OVCH1: variants seen among roughly 807,000 people sequenced by gnomAD.
The protein encoded by OVCH1 is ovochymase-1.
In OVCH1, 139 loss-of-function variants were observed where a neutral mutation model predicts 138.4. The observed-to-expected ratio is 1.00, with a 90% CI of 0.87 to 1.16. The LOEUF is 1.16. Among genes scored for constraint, OVCH1 ranks in the 50% most tolerant of loss-of-function variants. OVCH1 has a pLI of 0.00. For synonymous variants in OVCH1, 453 were observed against 467.8 expected, an observed-to-expected ratio of 0.97 and a Z score of 0.41; for missense variants, 1,367 against 1,357.9, an observed-to-expected ratio of 1.01 and a Z score of -0.11.
chr12:29,487,940 T>A (rs1943159738), intron 6 of OVCH1, 58 bp from the exon 7 acceptor site: 3 of 1,483,064 alleles, frequency 2.0e-6, no homozygotes, highest in Non-Finnish European at 2.7e-6. Flanking sequence ...AAATATTTCA[T>A]CATTTCTGTA....
intron 19 of OVCH1, among the ~76,000 whole-genome samples, chr12:29,457,606 T>C (rs1430108430): frequency 6.6e-6 from 1 of 151,950 alleles, no homozygotes; most frequent in Non-Finnish European, 1.5e-5. Context: ...GGTTTCACCA[T>C]GTTGGCCAGG....
chr12:29,442,538 G>T (rs1332071186), intron 25 of OVCH1, among the ~76,000 whole-genome samples: 1 of 149,852 alleles, frequency 6.7e-6, no homozygotes, highest in Non-Finnish European at 1.5e-5. Context: ...CGAGTTAATG[G>T]GTGCAGCACA....
At chr12:29,436,433 T>G (rs1323465908) in intron 26 of OVCH1, among the ~76,000 whole-genome samples, 1 of 152,342 alleles carries the variant, frequency 6.6e-6, no homozygotes, top group African/African-American at 2.4e-5. Context: ...AGCAGTTAAA[T>G]TTTCTCATTT....
At chr12:29,445,285 T>A in exon 23 of OVCH1, 1 of 1,609,316 alleles carries the variant, frequency 6.2e-7, no homozygotes, top group Non-Finnish European at 8.5e-7. Context: ...TACCTAGGAC[T>A]TTCAAGACAA....
chr12:29,407,400 G>T, the OVCH1 span, among the ~76,000 whole-genome samples: 2 of 149,404 alleles, frequency 1.3e-5, no homozygotes, highest in Non-Finnish European at 3.0e-5. Flanking sequence ...GTACTGAATG[G>T]TATTGCCTAG....
intron 1 of OVCH1, 39 bp downstream of exon 1, chr12:29,497,584 C>A (rs756826576): frequency 6.2e-7 from 1 of 1,610,318 alleles, no homozygotes; most frequent in Non-Finnish European, 8.5e-7. Flanking sequence ...GCACGCTCAG[C>A]CTCCTCCGCA....
At chr12:29,418,427 A>G (rs1007476246) in intron 3 of OVCH1, among the ~76,000 whole-genome samples, 4 of 152,164 alleles carry the variant, frequency 2.6e-5, no homozygotes, top group Non-Finnish European at 4.4e-5. Flanking sequence ...TCAATTAAAA[A>G]CCCATGAAAG....
intron 8 of OVCH1, among the ~76,000 whole-genome samples, chr12:29,479,824 C>CTTTTTTTTTTTT (rs34551074): frequency 3.1e-5 from 4 of 128,382 alleles, no homozygotes; most frequent in Non-Finnish European, 6.5e-5. Context: ...TCTTTTTTTT[C>CTTTTTTTTTTTT]TTTTTTTTTT....
At chr12:29,417,050 T>G (rs984653410) in intron 3 of OVCH1, among the ~76,000 whole-genome samples, 2 of 152,208 alleles carry the variant, frequency 1.3e-5, no homozygotes, top group African/African-American at 4.8e-5. Context: ...CAGGGGACTG[T>G]GCTGAGTGGA....
exon 11 of OVCH1, chr12:29,477,355 T>A: frequency 6.2e-7 from 1 of 1,613,980 alleles, no homozygotes; most frequent in Non-Finnish European, 8.5e-7. Flanking sequence ...TTCTGACTTC[T>A]GTACAGCAGT....
At chr12:29,444,073 A>G in intron 24 of OVCH1, 72 bp downstream of exon 24, 1 of 1,470,996 alleles carries the variant, frequency 6.8e-7, no homozygotes, top group Non-Finnish European at 9.1e-7. Flanking sequence ...TTAAGCAAGT[A>G]CCAAGTGTTG....
intron 17 of OVCH1, 101 bp from the exon 18 acceptor site, chr12:29,464,803 C>T (rs3741751): frequency 0.15 from 153,482 of 995,340 alleles, 13,302 homozygotes; most frequent in African/African-American, 0.36. Context: ...TCTGCACTTA[C>T]ATACATAAAC....
chr12:29,420,990 C>T (rs1279549112), intron 3 of OVCH1, among the ~76,000 whole-genome samples: 1 of 152,208 alleles, frequency 6.6e-6, no homozygotes, highest in Non-Finnish European at 1.5e-5. Flanking sequence ...CCATTGTGAG[C>T]CCTTGAACAA....
At chr12:29,405,021 CAAAAAAAAAAAAAAAAAAAAAA>C in the OVCH1 span, among the ~76,000 whole-genome samples, 1 of 80,440 alleles carries the variant, frequency 1.2e-5, no homozygotes, top group Non-Finnish European at 2.1e-5. Flanking sequence ...CACTCCACCT[CAAAAAAAAAAAAAAAAAAAAAA>C]AAAAAAAAAA....
intron 26 of OVCH1, among the ~76,000 whole-genome samples, chr12:29,435,638 G>T (rs766157702): frequency 6.6e-6 from 1 of 152,156 alleles, no homozygotes; most frequent in African/African-American, 2.4e-5. Flanking sequence ...ACAGGCATGA[G>T]CTACCGCACC....
intron 5 of OVCH1, 63 bp downstream of exon 5, chr12:29,491,034 T>G: frequency 7.3e-7 from 1 of 1,372,754 alleles, no homozygotes; most frequent in Non-Finnish European, 1.0e-6. Flanking sequence ...ACAAAATTAT[T>G]TCTGCTTCCC....
intron 22 of OVCH1, among the ~76,000 whole-genome samples, chr12:29,449,094 C>A (rs1941700012): frequency 6.6e-6 from 1 of 152,082 alleles, no homozygotes; most frequent in African/African-American, 2.4e-5. Context: ...CAAATCTTTT[C>A]AATCCTGCCA....
At chr12:29,462,391 TACATAA>T (rs1942168742) in intron 18 of OVCH1, among the ~76,000 whole-genome samples, 1 of 151,092 alleles carries the variant, frequency 6.6e-6, no homozygotes, top group Non-Finnish European at 1.5e-5. Flanking sequence ...TATATTTATA[TACATAA>T]ATATATAATT....
chr12:29,466,193 A>G (rs2135989019), intron 16 of OVCH1, among the ~76,000 whole-genome samples: 1 of 152,188 alleles, frequency 6.6e-6, no homozygotes, highest in South Asian at 2.1e-4. Context: ...ACATGTATGC[A>G]TATGTAACAA....
Sources: gnomAD v4.1 joint callset for allele counts (sites outside exome capture counted in the v4.1 genomes callset) on GRCh38, gnomAD v4.1.1 for gene constraint, MANE v1.5 for transcripts, NCBI Gene and HGNC (gene_info 2026-07-23, HGNC 2026-07-21) for gene names.